FAM20A: variants seen among roughly 807,000 people sequenced by gnomAD.
The protein encoded by FAM20A is pseudokinase FAM20A.
A neutral mutation model predicts 52.0 loss-of-function variants in FAM20A; 42 were observed. That is an observed-to-expected ratio of 0.81 (90% CI 0.63 to 1.04). The LOEUF (loss-of-function observed/expected upper bound fraction) is 1.04. FAM20A is among the 50% of genes least tolerant of loss of function. The pLI, the probability that FAM20A is intolerant of heterozygous loss-of-function variation, is 0.00. For missense variants in FAM20A, 742 were observed against 712.7 expected (o/e 1.04, Z -0.47); for synonymous variants, 304 against 298.9 (o/e 1.02, Z -0.18).
Position 68,600,330 on chromosome 17 carries a change from C to A in FAM20A, c.337G>T (p.Glu113Ter). 6.3e-7 allele frequency: 1 copy of A among 1,595,392 alleles called. No individual in the cohort carries two copies. The highest frequency in any genetic ancestry group is 8.5e-7 in the Non-Finnish European group (1 of 1,171,434). Residue 113 changes from glutamate (E) to a stop codon, truncating the protein, a stop_gained, in exon 1 of 11, where the codon GAG becomes TAG. Coordinates refer to ENST00000592554, the MANE Select transcript of FAM20A (RefSeq NM_017565.4). LOFTEE classifies it high-confidence loss of function. The surrounding 1 kb of genome is among the most constrained non-coding windows in gnomAD (Gnocchi z 6.2). ...VPEEPPLLGAEDSLLASQEAL... is the reference protein window; with the variant it reads ...VPEEPPLLGA ...TCCTGGCTGGCCAGGAGCGAGTCCT[C>A]GGCTCCCAGGAGAGGCGGCTCCTCC...
At chr17:68,539,743 G>A in intron 9 of FAM20A, 142 bp downstream of exon 9, 1 of 772,984 alleles carries the variant, frequency 1.3e-6, no homozygotes, top group East Asian at 2.7e-5. Flanking sequence ...AGAAGGAAAT[G>A]GAAGAAGCCG....
chr17:68,588,459 C>G (rs1399312656), intron 1 of FAM20A, among the ~76,000 whole-genome samples: 1 of 152,206 alleles, frequency 6.6e-6, no homozygotes, highest in Non-Finnish European at 1.5e-5. Context: ...TTTTAGTTTT[C>G]TAGGGATGCC....
At chr17:68,552,302 A>G (rs900525692) in intron 3 of FAM20A, among the ~76,000 whole-genome samples, 2 of 152,234 alleles carry the variant, frequency 1.3e-5, no homozygotes, top group East Asian at 1.9e-4. Context: ...CAATGAAGAC[A>G]TTTACTGAAA....
intron 1 of FAM20A, chr17:68,582,280 A>G (rs1245259980): frequency 1.3e-5 from 2 of 152,270 alleles, no homozygotes; most frequent in Admixed American, 1.3e-4. Flanking sequence ...TTTCCAAAAT[A>G]AGTAGATTGA....
rs2087012259 is a variant in FAM20A at position 68,554,950 on chromosome 17, C to T, written c.590-123G>A. The T allele has an allele frequency of 1.0e-5, 10 of 977,378 alleles. No homozygotes were observed. The South Asian group carries it at 1.4e-4, about 13-fold the overall frequency. The allele number at this position is 977,378 out of a possible 1,614,324, so 60.5% of individuals were successfully genotyped here. On this transcript the variant is annotated intron_variant, in intron 2 of 10. Coordinates refer to ENST00000592554, the MANE Select transcript of FAM20A (RefSeq NM_017565.4). ...GGAGACTGTGATGTAGCCTGGGGCCCTTGACCACTCCGTGGGAGGTCTCTT... is the reference window on the plus strand; with the variant it reads ...GGAGACTGTGATGTAGCCTGGGGCCTTTGACCACTCCGTGGGAGGTCTCTT...
chr17:68,579,919 G>T (rs1486490221), intron 1 of FAM20A, among the ~76,000 whole-genome samples: 1 of 152,202 alleles, frequency 6.6e-6, no homozygotes, highest in Non-Finnish European at 1.5e-5. Context: ...AGAACAAGTG[G>T]ACTTTGGTGA....
intron 1 of FAM20A, among the ~76,000 whole-genome samples, chr17:68,582,844 A>G (rs2088050835): frequency 8.6e-6 from 1 of 116,692 alleles, no homozygotes; most frequent in Non-Finnish European, 1.6e-5. Flanking sequence ...GGCTGGATGG[A>G]GTGTAGTGGC....
At position 68,536,885 on chromosome 17, in the gene FAM20A, T is replaced by C. The variant is rs1029305933; in HGVS notation, c.*592A>G. ...CCTCTTTTATTTTTGCCACTTGTTA[T>C]AATATCTCTAAGAAGTTACTCCAGG... On this transcript the variant is annotated 3_prime_UTR_variant, in exon 11 of 11. Coordinates refer to ENST00000592554, the MANE Select transcript of FAM20A (RefSeq NM_017565.4). 2.2e-5 allele frequency: 10 copies of C among 454,058 alleles called. No individual in the cohort carries two copies. The highest frequency in any genetic ancestry group is 4.0e-5 in the African/African-American group (2 of 50,016). 28.1% of individuals were successfully genotyped at this position (454,058 alleles called of 1,614,324 possible).
At chr17:68,566,782 A>T (rs537336911) in intron 1 of FAM20A, among the ~76,000 whole-genome samples, 1 of 152,326 alleles carries the variant, frequency 6.6e-6, no homozygotes, top group Admixed American at 6.5e-5. Context: ...ATTTCTTTTG[A>T]TGGGTAGTTT....
In FAM20A at chr17:68,600,822, G is replaced by T. The variant is rs1369660213; in HGVS notation, c.-156C>A. On this transcript the variant is annotated 5_prime_UTR_variant, in exon 1 of 11. Transcript: ENST00000592554. This position sits in a 1 kb window ranked among gnomAD's most constrained non-coding sequence, Gnocchi z 6.2. ...TCCCCGCGCGGGCTAGTCCCCTGTG[G>T]AGGGGTGTCGCTCCTCAACTTGGGG... The T allele has an allele frequency of 1.4e-6, 1 of 738,158 alleles. No individual in the cohort carries two copies. The highest frequency in any genetic ancestry group is 2.1e-6 in the Non-Finnish European group (1 of 477,112). The allele number at this position is 738,158 out of a possible 1,614,324, so 45.7% of individuals were successfully genotyped here. A position where few individuals can be genotyped will look rare whatever the true frequency, so the allele number is the denominator to read the frequency against.
At chr17:68,581,937 A>G (rs1028462026) in intron 1 of FAM20A, among the ~76,000 whole-genome samples, 5 of 152,104 alleles carry the variant, frequency 3.3e-5, no homozygotes, top group Non-Finnish European at 7.3e-5. Flanking sequence ...AAATGAGGAT[A>G]AGGACTGTAC....
At chr17:68,561,350 G>A (rs891507121) in intron 1 of FAM20A, among the ~76,000 whole-genome samples, 11 of 152,118 alleles carry the variant, frequency 7.2e-5, no homozygotes, top group South Asian at 2.1e-4. Context: ...CCTTTCTTCC[G>A]CCCTCCAGGA....
At position 68,543,674 on chromosome 17, in the gene FAM20A, T is replaced by G; in HGVS notation, c.767A>C (p.Asp256Ala). The change falls in exon 5 of 11, where the codon GAC becomes GCC. Residue 256 changes from aspartate (D) to alanine (A), a missense_variant. Asp to Ala is a moderately radical substitution (Grantham distance 126). Transcript: ENST00000592554. ...ETPVDFFYFI[D>A]FQRHNAEIAA... ...GATCTCAGCATTGTGTCTCTGAAAG[T>G]CAATGAAGTAGAAGAAGTCCACTGG... The G allele has an allele frequency of 3.1e-6, 5 of 1,614,070 alleles. No homozygotes were observed. The highest frequency in any genetic ancestry group is 4.2e-6 in the Non-Finnish European group (5 of 1,180,014).
chr17:68,583,773 C>G (rs2952307), intron 1 of FAM20A, among the ~76,000 whole-genome samples: 118,018 of 151,966 alleles, frequency 0.78, 46,067 homozygotes, highest in East Asian at 0.93. Flanking sequence ...CGTGGTGGTG[C>G]GTGCCTGTAG....
rs78685991 is a variant in FAM20A, at chr17:68,598,752, G to A, written c.404+1511C>T. ...TTTGCTTCGGGTCCAAAGTAACACC[G>A]GGAAGTTTAAGACCACAGAAATGTG... On this transcript the variant is annotated intron_variant, in intron 1 of 10. Coordinates refer to ENST00000592554, the MANE Select transcript of FAM20A (RefSeq NM_017565.4). Among the ~76,000 whole-genome samples the A allele has an allele frequency of 2.3e-3, 353 of 152,186 alleles. 4 individuals are homozygous for A. The highest frequency in any genetic ancestry group is 7.9e-3 in the African/African-American group (329 of 41,502).
At chr17:68,588,553 G>A (rs1248343281) in intron 1 of FAM20A, among the ~76,000 whole-genome samples, 5 of 152,238 alleles carry the variant, frequency 3.3e-5, no homozygotes, top group African/African-American at 1.2e-4. Context: ...CCAAGTTCGT[G>A]GTGTCAGCAG....
At position 68,600,319 on chromosome 17, in the gene FAM20A, G is replaced by T. The variant is rs570447275; in HGVS notation, c.348C>A (p.Leu116=). The change falls in exon 1 of 11, where the codon CTC becomes CTA. Residue 116 remains leucine (L), a synonymous_variant. Coordinates refer to ENST00000592554, the MANE Select transcript of FAM20A (RefSeq NM_017565.4). The surrounding 1 kb of genome is among the most constrained non-coding windows in gnomAD (Gnocchi z 6.2). ...ACCGCAGCGCCTCCTGGCTGGCCAG[G>T]AGCGAGTCCTCGGCTCCCAGGAGAG... ...EPPLLGAEDS[L]LASQEALRYY... 3 of 1,590,816 alleles carry T rather than the reference G, an allele frequency of 1.9e-6. No homozygotes were observed. In the African/African-American group the frequency reaches 4.0e-5, roughly 21 times the overall value.
chr17:68,535,199 G>C lies in FAM20A; in HGVS notation c.*2278C>G, dbSNP rs931923844. 1 of 446,542 alleles carries C rather than the reference G, an allele frequency of 2.2e-6. No individual in the cohort carries two copies. The highest frequency in any genetic ancestry group is 4.5e-6 in the Non-Finnish European group (1 of 221,806). The allele number at this position is 446,542 out of a possible 1,614,324, so 27.7% of individuals were successfully genotyped here. A position where few individuals can be genotyped will look rare whatever the true frequency, so the allele number is the denominator to read the frequency against. ...GAAGAACTCGAGTAAGAATGAAACGGTTGGTTTTCTGATATTTTTGAGAAA... is the reference window on the plus strand; with the variant it reads ...GAAGAACTCGAGTAAGAATGAAACGCTTGGTTTTCTGATATTTTTGAGAAA... On this transcript the variant is annotated 3_prime_UTR_variant, in exon 11 of 11. Coordinates refer to ENST00000592554, the MANE Select transcript of FAM20A (RefSeq NM_017565.4).
Position 68,559,406 on chromosome 17 carries a change from C to A in FAM20A, c.405-3663G>T, listed in dbSNP as rs73363253. Among the ~76,000 whole-genome samples the A allele has an allele frequency of 8.0e-3, 1,219 of 152,248 alleles. 14 individuals are homozygous for A. The highest frequency in any genetic ancestry group is 0.027 in the African/African-American group (1,135 of 41,534). ...GCCATTGCCTGGTAACACTGGCCTT[C>A]CTTTTAAGGAAAGAGAAAAAGTATA... On this transcript the variant is annotated intron_variant, in intron 1 of 10. Coordinates refer to ENST00000592554, the MANE Select transcript of FAM20A (RefSeq NM_017565.4).
Sources: gnomAD v4.1 joint callset for allele counts (sites outside exome capture counted in the v4.1 genomes callset) on GRCh38, gnomAD v4.1.1 for gene constraint, Gnocchi (gnomAD v3.1) non-coding constraint, MANE v1.5 for transcripts, NCBI Gene and HGNC (gene_info 2026-07-23, HGNC 2026-07-21) for gene names.